THADA: variants seen among roughly 807,000 people sequenced by gnomAD.
The protein encoded by THADA is tRNA (32-2'-O)-methyltransferase regulator THADA.
THADA carries 213 observed loss-of-function variants against 219.8 expected under a neutral mutation model. The ratio of observed to expected loss-of-function variants is 0.97; its 90% CI spans 0.87 to 1.09. THADA has a LOEUF of 1.09. Among genes scored for constraint, THADA ranks in the 50% least tolerant of loss-of-function variants. THADA has a pLI of 0.00. For synonymous variants in THADA, 1,018 were observed against 828.9 expected, an observed-to-expected ratio of 1.23 and a Z score of -3.92; for missense variants, 2,956 against 2,311.3, an observed-to-expected ratio of 1.28 and a Z score of -5.72.
intron 28 of THADA, among the ~76,000 whole-genome samples, 200 bp from the exon 29 acceptor site, chr2:43,398,339 T>C (rs1454763109): frequency 6.6e-6 from 1 of 152,212 alleles, no homozygotes; most frequent in Middle Eastern, 3.2e-3. Context: ...ATTGCTAGCA[T>C]CTATAATTCT....
At chr2:43,242,830 G>A (rs1179355616) in intron 36 of THADA, among the ~76,000 whole-genome samples, 1 of 152,156 alleles carries the variant, frequency 6.6e-6, no homozygotes, top group African/African-American at 2.4e-5. Flanking sequence ...CTGCTCATAA[G>A]TACTGAATAC....
chr2:43,583,938 G>A (rs1700733906), intron 7 of THADA, among the ~76,000 whole-genome samples: 1 of 151,400 alleles, frequency 6.6e-6, no homozygotes, highest in South Asian at 2.1e-4. Flanking sequence ...TACTCCAGAG[G>A]CTGAGGTGGA....
Position 43,501,306 on chromosome 2 carries a change from C to CAAAAAAAAAA in THADA, c.3622-2352_3622-2351insTTTTTTTTTT, listed in dbSNP as rs1558864377. On this transcript the variant is annotated intron_variant, in intron 24 of 37. Transcript: ENST00000405975. The stretch of plus-strand genomic sequence containing the variant: ...GGGCAACAAAAGCGAAACTCCAACT[C>CAAAAAAAAAA]CAAAAAAAAAAAAAAAAAAAAAAAA... Among the ~76,000 whole-genome samples the CAAAAAAAAAA allele has an allele frequency of 2.7e-3, 33 of 12,282 alleles. 2 individuals are homozygous for CAAAAAAAAAA. Among genetic ancestry groups the CAAAAAAAAAA allele is most frequent in the African/African-American group, 8.7e-3 (32 of 3,672 alleles). 8.1% of individuals were successfully genotyped at this position (12,282 alleles called of 152,430 possible). A position where few individuals can be genotyped will look rare whatever the true frequency, so the allele number is the denominator to read the frequency against.
chr2:43,308,397 A>G (rs1416464999), intron 31 of THADA, among the ~76,000 whole-genome samples: 1 of 151,950 alleles, frequency 6.6e-6, no homozygotes, highest in East Asian at 1.9e-4. Context: ...GATGGAGGAA[A>G]TATTTAAAGC....
chr2:43,529,671 G>T lies in THADA; in HGVS notation c.3265-1683C>A, dbSNP rs6746217. Among the ~76,000 whole-genome samples the T allele has an allele frequency of 1.3e-3, 192 of 152,268 alleles. 4 individuals are homozygous for T. The highest frequency in any genetic ancestry group is 0.012 in the South Asian group (57 of 4,828). ...TTGTATAAAACTCAGGACCAAAGCT[G>T]TAACCAGCTATCTCTTGATCCAGGT... On this transcript the variant is annotated intron_variant, in intron 21 of 37. Transcript: ENST00000405975.
intron 30 of THADA, among the ~76,000 whole-genome samples, chr2:43,335,536 C>T (rs1666317413): frequency 6.6e-6 from 1 of 152,172 alleles, no homozygotes; most frequent in African/African-American, 2.4e-5. Flanking sequence ...TTCTGTTGCT[C>T]TCTTTACACT....
chr2:43,559,160 C>A (rs1697755409), intron 16 of THADA, among the ~76,000 whole-genome samples: 1 of 152,158 alleles, frequency 6.6e-6, no homozygotes, highest in Non-Finnish European at 1.5e-5. Context: ...AAGAGAAAAT[C>A]TCCTCTTTAA....
chr2:43,434,845 T>C (rs1414527730), intron 26 of THADA, among the ~76,000 whole-genome samples: 1 of 152,198 alleles, frequency 6.6e-6, no homozygotes, highest in Non-Finnish European at 1.5e-5. Flanking sequence ...CAAGGGGGTC[T>C]AATTGAGCTG....
intron 22 of THADA, among the ~76,000 whole-genome samples, chr2:43,517,643 A>G (rs567510277): frequency 8.7e-4 from 133 of 152,154 alleles, no homozygotes; most frequent in Non-Finnish European, 1.6e-3. Flanking sequence ...TCATTTTTTC[A>G]TCCAGTCCCC....
At chr2:43,551,511 G>C (rs1235714238) in intron 19 of THADA, among the ~76,000 whole-genome samples, 1 of 151,308 alleles carries the variant, frequency 6.6e-6, no homozygotes. Context: ...TCAGATTTGG[G>C]ATGTTCAACT....
At chr2:43,556,763 AAAC>A (rs1254760426) in intron 16 of THADA, among the ~76,000 whole-genome samples, 5 of 152,048 alleles carry the variant, frequency 3.3e-5, no homozygotes, top group African/African-American at 7.2e-5. Flanking sequence ...CATCTCAAAA[AAAC>A]AACAACAAAA....
intron 16 of THADA, among the ~76,000 whole-genome samples, chr2:43,559,929 CCA>C (rs1202799135): frequency 6.6e-6 from 1 of 152,180 alleles, no homozygotes; most frequent in African/African-American, 2.4e-5. Context: ...ACAGGGGAAA[CCA>C]CAGTTAACTA....
At chr2:43,317,385 G>A (rs1163742602) in intron 31 of THADA, among the ~76,000 whole-genome samples, 2 of 152,088 alleles carry the variant, frequency 1.3e-5, no homozygotes, top group Non-Finnish European at 2.9e-5. Context: ...ATTTAATGAG[G>A]GCCTACTATG....
chr2:43,388,517 A>T (rs1014851349), intron 29 of THADA, among the ~76,000 whole-genome samples: 1 of 152,182 alleles, frequency 6.6e-6, no homozygotes, highest in African/African-American at 2.4e-5. Flanking sequence ...CCCATGATAA[A>T]AGAGTCCTTT....
intron 29 of THADA, among the ~76,000 whole-genome samples, chr2:43,376,580 TG>T (rs1376006322): frequency 4.6e-5 from 7 of 152,130 alleles, no homozygotes; most frequent in Non-Finnish European, 1.0e-4. Context: ...AACACCTGCT[TG>T]GAATCAACAG....
chr2:43,248,162 T>TAGAG (rs1669406546), intron 36 of THADA, among the ~76,000 whole-genome samples: 16 of 44,406 alleles, frequency 3.6e-4, no homozygotes, highest in Admixed American at 7.8e-4. Context: ...TATATATATA[T>TAGAG]ATAGAGAGAG....
At chr2:43,275,288 A>G (rs182133323) in intron 36 of THADA, among the ~76,000 whole-genome samples, 1 of 152,244 alleles carries the variant, frequency 6.6e-6, no homozygotes, top group Admixed American at 6.5e-5. Flanking sequence ...TAGATGCGTG[A>G]GCCACCGCAC....
chr2:43,324,246 G>A (rs995782651), intron 30 of THADA, among the ~76,000 whole-genome samples: 1 of 152,172 alleles, frequency 6.6e-6, no homozygotes, highest in East Asian at 1.9e-4. Flanking sequence ...ACGATCTTTA[G>A]AGCCTTCTGC....
chr2:43,361,272 T>C (rs1669492092), intron 29 of THADA, among the ~76,000 whole-genome samples: 1 of 152,218 alleles, frequency 6.6e-6, no homozygotes, highest in African/African-American at 2.4e-5. Context: ...CCTAAGTTCC[T>C]CATCTATAAA....
Sources: allele counts gnomAD v4.1 joint callset (sites outside exome capture counted in the v4.1 genomes callset), GRCh38; gene constraint gnomAD v4.1.1; transcripts MANE v1.5; gene names NCBI Gene and HGNC (gene_info 2026-07-23, HGNC 2026-07-21).